The following SPDYE10 variants were observed in gnomAD, a reference collection of about 807,000 sequenced individuals.
The protein encoded by SPDYE10 is speedy/RINGO cell cycle regulator family member E10, also known as speedy protein E10.
chr7:73,126,447 C>T, the SPDYE10 span, among the ~76,000 whole-genome samples: 1 of 114,914 alleles, frequency 8.7e-6, no homozygotes, highest in Non-Finnish European at 1.7e-5. Flanking sequence ...GCAGAGGTTG[C>T]AGTGAGCCAA....
At chr7:73,113,814 T>G in the SPDYE10 span, among the ~76,000 whole-genome samples, 1 of 151,870 alleles carries the variant, frequency 6.6e-6, no homozygotes, top group African/African-American at 2.4e-5. Context: ...GGAGGGTGGA[T>G]CACGAGATCA....
At chr7:73,116,935 G>T in the SPDYE10 span, among the ~76,000 whole-genome samples, 1 of 150,262 alleles carries the variant, frequency 6.7e-6, no homozygotes, top group African/African-American at 2.5e-5. Flanking sequence ...TCGCTGTGTT[G>T]CCCAGGCTGG....
chr7:73,126,723 G>A, the SPDYE10 span, among the ~76,000 whole-genome samples: 1 of 146,614 alleles, frequency 6.8e-6, no homozygotes, highest in African/African-American at 2.6e-5. Flanking sequence ...TGTCACCCAG[G>A]CTGGAGTGCA....
the SPDYE10 span, among the ~76,000 whole-genome samples, chr7:73,128,262 T>A: frequency 6.9e-6 from 1 of 145,302 alleles, no homozygotes. Context: ...ACCAGTTATA[T>A]ACAATGTTTA....
chr7:73,134,465 A>G, the SPDYE10 span, among the ~76,000 whole-genome samples: 1 of 150,306 alleles, frequency 6.7e-6, no homozygotes, highest in African/African-American at 2.5e-5. Context: ...GCACATGTAT[A>G]CATATGTAAC....
At chr7:73,122,711 G>GGAAC in the SPDYE10 span, among the ~76,000 whole-genome samples, 3 of 150,252 alleles carry the variant, frequency 2.0e-5, no homozygotes, top group Admixed American at 6.6e-5. Flanking sequence ...TCCCACTCCA[G>GGAAC]GAACGTCCCC....
At chr7:73,113,691 T>G in the SPDYE10 span, among the ~76,000 whole-genome samples, 2 of 151,962 alleles carry the variant, frequency 1.3e-5, no homozygotes, top group Non-Finnish European at 2.9e-5. Context: ...GTCAGGAGTT[T>G]AAGAGCAGCC....
chr7:73,123,933 G>A, the SPDYE10 span, among the ~76,000 whole-genome samples: 4 of 151,740 alleles, frequency 2.6e-5, no homozygotes, highest in African/African-American at 9.7e-5. Flanking sequence ...AATTTTTGTG[G>A]GGTTTTTTTG....
chr7:73,152,245 C>A, the SPDYE10 span, among the ~76,000 whole-genome samples: 2 of 137,318 alleles, frequency 1.5e-5, no homozygotes, highest in African/African-American at 5.7e-5. Flanking sequence ...GAACTCCTGT[C>A]CTTGTGATCT....
the SPDYE10 span, among the ~76,000 whole-genome samples, chr7:73,149,594 A>G: frequency 2.2e-4 from 33 of 152,296 alleles, no homozygotes; most frequent in South Asian, 2.1e-3. Context: ...GCCAACAGCT[A>G]TTTTTTTATT....
the SPDYE10 span, among the ~76,000 whole-genome samples, chr7:73,150,948 A>ATATATTT: frequency 2.8e-3 from 14 of 4,942 alleles, no homozygotes; most frequent in African/African-American, 0.012. Flanking sequence ...ATATATATAT[A>ATATATTT]TTTTTTTTTT....
chr7:73,126,506 CAAAAAAAAAAAA>C, the SPDYE10 span, among the ~76,000 whole-genome samples: 7 of 47,912 alleles, frequency 1.5e-4, no homozygotes, highest in Non-Finnish European at 2.6e-4. Context: ...GACTCCATCT[CAAAAAAAAAAAA>C]AAAAAAAAAA....
At chr7:73,144,930 T>C in the SPDYE10 span, among the ~76,000 whole-genome samples, 15 of 79,018 alleles carry the variant, frequency 1.9e-4, no homozygotes, top group Admixed American at 4.2e-4. Context: ...GCATGAGAAT[T>C]GCTTGAGGCA....
chr7:73,107,447 GATAA>G, the SPDYE10 span, among the ~76,000 whole-genome samples: 372 of 9,578 alleles, frequency 0.039, 17 homozygotes, highest in Middle Eastern at 0.05. Context: ...CTCTTGTCTT[GATAA>G]ATAAATAAAT....
the SPDYE10 span, among the ~76,000 whole-genome samples, chr7:73,117,903 AC>A: frequency 1.5e-5 from 2 of 134,302 alleles, no homozygotes; most frequent in Non-Finnish European, 3.2e-5. Context: ...TAATACCAGC[AC>A]TTTGGGAGGC....
chr7:73,122,072 ACCAGCCC>A, the SPDYE10 span, among the ~76,000 whole-genome samples: 44 of 51,172 alleles, frequency 8.6e-4, no homozygotes, highest in African/African-American at 4.6e-3. Context: ...GATCCTTCCC[ACCAGCCC>A]CCAGCCATTC....
chr7:73,113,513 T>C, the SPDYE10 span, among the ~76,000 whole-genome samples: 23 of 139,704 alleles, frequency 1.6e-4, no homozygotes, highest in Admixed American at 1.1e-3. Flanking sequence ...CACTCCAGTC[T>C]GGGCAACACA....
the SPDYE10 span, among the ~76,000 whole-genome samples, chr7:73,130,412 A>C: frequency 3.9e-5 from 6 of 152,114 alleles, no homozygotes; most frequent in African/African-American, 1.4e-4. Context: ...TAGATAGATA[A>C]AATTCTTTAA....
At chr7:73,111,754 C>CTT in the SPDYE10 span, among the ~76,000 whole-genome samples, 5 of 19,038 alleles carry the variant, frequency 2.6e-4, 1 homozygote, top group African/African-American at 1.4e-3. Context: ...TCTGACCCTT[C>CTT]TTTTTTTTTT....
Sources: allele counts gnomAD v4.1 joint callset (sites outside exome capture counted in the v4.1 genomes callset), GRCh38; gene constraint gnomAD v4.1.1; transcripts MANE v1.5; gene names NCBI Gene and HGNC (gene_info 2026-07-23, HGNC 2026-07-21).